CADM2: variants seen among roughly 807,000 people sequenced by gnomAD.
CADM2 encodes cell adhesion molecule 2, also known as immunoglobulin superfamily member 4D.
Under a neutral mutation model 49.8 loss-of-function variants are expected in CADM2, and 12 were observed. The observed-to-expected ratio is 0.24, with a 90% CI of 0.15 to 0.39. The LOEUF (loss-of-function observed/expected upper bound fraction) is 0.39. CADM2 is among the 10% of genes least tolerant of loss of function. The pLI is 1.00. For missense variants in CADM2, 378 were observed against 492.3 expected (o/e 0.77, Z 2.20); for synonymous variants, 214 against 175.4 (o/e 1.22, Z -1.74).
intron 1 of CADM2, among the ~76,000 whole-genome samples, chr3:85,121,868 T>C (rs62250629): frequency 0.59 from 90,165 of 151,914 alleles, 27,611 homozygotes; most frequent in Non-Finnish European, 0.64. Flanking sequence ...TTGGCATAAA[T>C]GAATTTAGTT....
intron 1 of CADM2, among the ~76,000 whole-genome samples, chr3:85,166,791 G>A (rs1289052338): frequency 6.6e-6 from 1 of 151,898 alleles, no homozygotes. Flanking sequence ...AAGAATACTG[G>A]AGAATGTCAT....
Position 86,037,751 on chromosome 3 carries a change from A to T in CADM2, c.971-27854A>T, listed in dbSNP as rs148255415. Among the ~76,000 whole-genome samples the T allele has an allele frequency of 4.7e-3, 712 of 152,326 alleles. 5 individuals carry two copies. Among genetic ancestry groups the T allele is most frequent in the African/African-American group, 0.016 (659 of 41,574 alleles). On this transcript the variant is annotated intron_variant, in intron 8 of 9. Coordinates refer to ENST00000383699, the MANE Select transcript of CADM2 (RefSeq NM_001167675.2). ...AAAATTAAAGTAGAATATACCATAT[A>T]CCAGACATACACTTCCAAAAACTAT... is the stretch of plus-strand genomic sequence containing the variant.
chr3:85,798,009 A>G (rs1215045999), intron 2 of CADM2, among the ~76,000 whole-genome samples: 1 of 152,214 alleles, frequency 6.6e-6, no homozygotes, highest in Non-Finnish European at 1.5e-5. Flanking sequence ...TCTAATGACC[A>G]GTGATGATGA....
intron 3 of CADM2, among the ~76,000 whole-genome samples, chr3:85,874,598 G>A (rs1404354692): frequency 6.6e-6 from 1 of 152,010 alleles, no homozygotes; most frequent in East Asian, 1.9e-4. Context: ...AAAAGAATGA[G>A]GGCTTACAAA....
intron 1 of CADM2, among the ~76,000 whole-genome samples, chr3:85,628,988 G>A (rs1320396094): frequency 6.6e-6 from 1 of 151,574 alleles, no homozygotes; most frequent in Admixed American, 6.6e-5. Flanking sequence ...TATAGTGAAA[G>A]GAGTATATTA....
At chr3:85,142,343 A>G (rs2039602633) in intron 1 of CADM2, among the ~76,000 whole-genome samples, 1 of 152,168 alleles carries the variant, frequency 6.6e-6, no homozygotes, top group African/African-American at 2.4e-5. Flanking sequence ...AAAATACGTC[A>G]TATCTTGATT....
intron 1 of CADM2, among the ~76,000 whole-genome samples, chr3:85,422,552 C>T (rs2036220943): frequency 1.3e-5 from 2 of 152,188 alleles, no homozygotes; most frequent in Admixed American, 1.3e-4. Context: ...GCTGGGATTA[C>T]AGGCATGAGC....
intron 1 of CADM2, among the ~76,000 whole-genome samples, chr3:85,387,041 C>T (rs2034268583): frequency 6.6e-6 from 1 of 152,120 alleles, no homozygotes; most frequent in African/African-American, 2.4e-5. Context: ...GTTCCTAAAG[C>T]AATCTCTCTG....
At chr3:85,449,083 A>T (rs568001633) in intron 1 of CADM2, among the ~76,000 whole-genome samples, 1 of 148,230 alleles carries the variant, frequency 6.7e-6, no homozygotes, top group Non-Finnish European at 1.5e-5. Context: ...TAATGATAAA[A>T]ATTATATAAT....
intron 1 of CADM2, among the ~76,000 whole-genome samples, chr3:85,621,498 C>T (rs1310975965): frequency 2.0e-5 from 3 of 151,998 alleles, no homozygotes; most frequent in African/African-American, 7.2e-5. Flanking sequence ...ATTTATTTTG[C>T]CTAGTACATA....
At position 85,541,775 on chromosome 3, in the gene CADM2, T is replaced by TATA. The variant is rs1559897737; in HGVS notation, c.62-184747_62-184746insATA. Among the ~76,000 whole-genome samples the TATA allele has an allele frequency of 1.0e-4, 9 of 88,308 alleles. No homozygotes were observed. The South Asian group carries it at 1.8e-3, about 18-fold the overall frequency. The allele number at this position is 88,308 out of a possible 152,430, so 57.9% of individuals were successfully genotyped here. On this transcript the variant is annotated intron_variant, in intron 1 of 9. Coordinates refer to ENST00000383699, the MANE Select transcript of CADM2 (RefSeq NM_001167675.2). ...ATATTTTATATATATATTTTATATT[T>TATA]TATATATATATATATATATGTATAG...
At chr3:85,424,259 T>G (rs2036298301) in intron 1 of CADM2, among the ~76,000 whole-genome samples, 1 of 151,934 alleles carries the variant, frequency 6.6e-6, no homozygotes. Flanking sequence ...GAAGAGATAT[T>G]TATTTTGTAT....
chr3:85,883,846 A>T (rs956253681), intron 4 of CADM2, among the ~76,000 whole-genome samples: 3 of 152,182 alleles, frequency 2.0e-5, no homozygotes, highest in African/African-American at 7.2e-5. Flanking sequence ...TTATTTGATC[A>T]TGTAAGTCAC....
At chr3:85,029,906 G>A (rs987631164) in intron 1 of CADM2, among the ~76,000 whole-genome samples, 1 of 152,152 alleles carries the variant, frequency 6.6e-6, no homozygotes, top group Non-Finnish European at 1.5e-5. Context: ...AGGTGGAAGG[G>A]CTGATGTTTT....
At chr3:85,355,577 C>T (rs1467639366) in intron 1 of CADM2, among the ~76,000 whole-genome samples, 3 of 152,008 alleles carry the variant, frequency 2.0e-5, no homozygotes, top group African/African-American at 4.8e-5. Flanking sequence ...TTACTTTGTG[C>T]CAAGCACTAT....
intron 6 of CADM2, among the ~76,000 whole-genome samples, chr3:85,928,454 G>C (rs1171682595): frequency 6.6e-6 from 1 of 152,062 alleles, no homozygotes; most frequent in Admixed American, 6.5e-5. Context: ...ACCACGCCCA[G>C]TCAAAAGAAG....
At chr3:86,016,730 A>G (rs1732285691) in intron 8 of CADM2, among the ~76,000 whole-genome samples, 1 of 152,162 alleles carries the variant, frequency 6.6e-6, no homozygotes, top group African/African-American at 2.4e-5. Flanking sequence ...TGATAATGTT[A>G]ACACTTAGGG....
chr3:85,139,035 T>C (rs181449065), intron 1 of CADM2, among the ~76,000 whole-genome samples: 193 of 152,282 alleles, frequency 1.3e-3, no homozygotes, highest in African/African-American at 4.4e-3. Flanking sequence ...GTGCCACATC[T>C]GCTACTGGCA....
At chr3:85,851,309 T>C (rs980209487) in intron 3 of CADM2, among the ~76,000 whole-genome samples, 3 of 152,100 alleles carry the variant, frequency 2.0e-5, no homozygotes, top group African/African-American at 7.2e-5. Context: ...TCTTTCCAGC[T>C]GTGAATTCTC....
Sources: gnomAD v4.1 joint callset for allele counts (sites outside exome capture counted in the v4.1 genomes callset) on GRCh38, gnomAD v4.1.1 for gene constraint, MANE v1.5 for transcripts, NCBI Gene and HGNC (gene_info 2026-07-23, HGNC 2026-07-21) for gene names.